The following SMURF1 variants were observed in gnomAD, a reference collection of about 807,000 sequenced individuals.
The protein encoded by SMURF1 is SMAD specific E3 ubiquitin protein ligase 1, also known as E3 ubiquitin-protein ligase SMURF1.
In SMURF1, 44 loss-of-function variants were observed where a neutral mutation model predicts 98.0. The observed-to-expected ratio is 0.45, with a 90% CI of 0.35 to 0.58. The LOEUF (loss-of-function observed/expected upper bound fraction) is 0.58, where lower values mean the gene tolerates loss of function less well. Ranked by LOEUF, SMURF1 falls within the 20% of genes least tolerant of loss-of-function variation. The pLI is 0.00. For synonymous variants in SMURF1, 396 were observed against 374.9 expected (o/e 1.06, Z -0.65); for missense variants, 687 against 938.4 (o/e 0.73, Z 3.50).
chr7:99,032,889 C>T (rs1369637614), intron 17 of SMURF1, 148 bp downstream of exon 17: 18 of 983,306 alleles, frequency 1.8e-5, no homozygotes, highest in Non-Finnish European at 1.9e-5. Flanking sequence ...CTCCTTCTGT[C>T]TCAGGTGCTG....
At chr7:99,134,685 T>A (rs1188398066) in intron 1 of SMURF1, among the ~76,000 whole-genome samples, 1 of 152,160 alleles carries the variant, frequency 6.6e-6, no homozygotes, top group Non-Finnish European at 1.5e-5. Flanking sequence ...AATACTAAAT[T>A]ATTATTACTG....
At chr7:99,127,908 G>A (rs545825222) in intron 1 of SMURF1, among the ~76,000 whole-genome samples, 1 of 152,214 alleles carries the variant, frequency 6.6e-6, no homozygotes, top group African/African-American at 2.4e-5. Context: ...CTACATAGGC[G>A]ATACGAAATG....
Position 99,086,175 on chromosome 7 carries a change from G to A in SMURF1, c.56-24338C>T, listed in dbSNP as rs112747095. Among the ~76,000 whole-genome samples the A allele has an allele frequency of 9.2e-3, 1,391 of 151,982 alleles. 16 individuals are homozygous for A. The highest frequency in any genetic ancestry group is 0.029 in the African/African-American group (1,199 of 41,434). On this transcript the variant is annotated intron_variant, in intron 1 of 17. Coordinates refer to ENST00000361368, the MANE Select transcript of SMURF1 (RefSeq NM_181349.3). ...AGCCTGGCCAACATGGTGAAACTCC[G>A]TCTCTACTAAAAATACAAAAATTAG...
At chr7:99,138,325 G>T (rs1584222122) in intron 1 of SMURF1, among the ~76,000 whole-genome samples, 1 of 152,192 alleles carries the variant, frequency 6.6e-6, no homozygotes, top group Non-Finnish European at 1.5e-5. Context: ...GTTAACCAGT[G>T]CCCACGATGT....
At chr7:99,084,242 C>G (rs1796630342) in intron 1 of SMURF1, among the ~76,000 whole-genome samples, 1 of 152,154 alleles carries the variant, frequency 6.6e-6, no homozygotes, top group African/African-American at 2.4e-5. Flanking sequence ...ATCTATATTA[C>G]CTTGAATTAT....
intron 1 of SMURF1, among the ~76,000 whole-genome samples, chr7:99,110,480 G>A (rs773351464): frequency 2.6e-5 from 4 of 152,152 alleles, no homozygotes; most frequent in Admixed American, 1.3e-4. Context: ...TAAACAGCCC[G>A]TGAATATATG....
At chr7:99,068,390 A>C (rs1796246012) in intron 1 of SMURF1, among the ~76,000 whole-genome samples, 2 of 152,190 alleles carry the variant, frequency 1.3e-5, no homozygotes, top group African/African-American at 2.4e-5. Flanking sequence ...TCTTGGGCTC[A>C]AGTGATCCTC....
intron 8 of SMURF1, chr7:99,050,871 A>T: frequency 7.8e-7 from 1 of 1,277,140 alleles, no homozygotes; most frequent in Non-Finnish European, 1.0e-6. Flanking sequence ...AAAGAAAAAA[A>T]GAAACTTAAC....
rs141063695 is a variant in SMURF1, at chr7:99,075,332, G to T, written c.56-13495C>A. ...AGCTGGAATCTCAGTCTGTTGCTCA[G>T]GCTGGGCTTGAACTCCTGGCCTCAA... On this transcript the variant is annotated intron_variant, in intron 1 of 17. Coordinates refer to ENST00000361368, the MANE Select transcript of SMURF1 (RefSeq NM_181349.3). Among the ~76,000 whole-genome samples, 381 of 152,248 alleles carry T rather than the reference G, an allele frequency of 2.5e-3. 1 individual carries two copies. Among genetic ancestry groups the T allele is most frequent in the African/African-American group, 8.8e-3 (364 of 41,544 alleles).
intron 1 of SMURF1, among the ~76,000 whole-genome samples, chr7:99,121,913 G>A (rs112523773): frequency 3.9e-5 from 6 of 152,302 alleles, no homozygotes; most frequent in East Asian, 1.9e-4. Flanking sequence ...ACCAGGGAGC[G>A]GCGAGGGGAA....
chr7:99,047,817 T>C lies in SMURF1; in HGVS notation c.1019A>G (p.Asp340Gly), dbSNP rs753205446. 14 of 1,614,204 alleles carry C rather than the reference T, an allele frequency of 8.7e-6. No individual in the cohort carries two copies. The highest frequency in any genetic ancestry group is 1.1e-5 in the Non-Finnish European group (13 of 1,180,028). ...LPLPSEGSLE[D>G]EELPAQRYER... ...GTATCTCTGGGCAGGAAGCTCCTCG[T>C]CCTCCAGAGAGCCCTCACTGGGCAG... The change falls in exon 10 of 18, where the codon GAC becomes GGC. Residue 340 changes from aspartate (D) to glycine (G), a missense_variant. Asp to Gly is a moderately conservative substitution (Grantham distance 94). Coordinates refer to ENST00000361368, the MANE Select transcript of SMURF1 (RefSeq NM_181349.3).
intron 17 of SMURF1, among the ~76,000 whole-genome samples, chr7:99,031,967 T>C (rs760150803): frequency 6.6e-5 from 10 of 152,204 alleles, no homozygotes; most frequent in Non-Finnish European, 1.3e-4. Context: ...TAATCTACTA[T>C]GGAGACTCGT....
At chr7:99,038,961 A>T (rs1430837098) in intron 13 of SMURF1, among the ~76,000 whole-genome samples, 3 of 152,012 alleles carry the variant, frequency 2.0e-5, no homozygotes, top group Middle Eastern at 3.2e-3. Flanking sequence ...TGGGATACCG[A>T]GGCGGGTGGA....
chr7:99,119,980 T>C (rs1797565420), intron 1 of SMURF1, among the ~76,000 whole-genome samples: 2 of 152,180 alleles, frequency 1.3e-5, no homozygotes, highest in Non-Finnish European at 2.9e-5. Flanking sequence ...TGACCTCCAG[T>C]GCTGGAGATG....
chr7:99,088,718 C>T (rs1228816336), intron 1 of SMURF1, among the ~76,000 whole-genome samples: 2 of 152,146 alleles, frequency 1.3e-5, no homozygotes, highest in African/African-American at 2.4e-5. Flanking sequence ...AGAGGTGAGA[C>T]AGGCTGGGTT....
intron 16 of SMURF1, among the ~76,000 whole-genome samples, chr7:99,034,726 T>G (rs149075250): frequency 7.6e-4 from 116 of 152,266 alleles, no homozygotes; most frequent in African/African-American, 2.6e-3. Context: ...TCAAACCCCT[T>G]TTTATCCATG....
At chr7:99,035,334 C>T in intron 16 of SMURF1, 181 bp downstream of exon 16, 1 of 781,902 alleles carries the variant, frequency 1.3e-6, no homozygotes, top group Non-Finnish European at 2.0e-6. Flanking sequence ...CCCACACCTG[C>T]TCACACACGG....
At chr7:99,037,243 C>A (rs1335602221) in intron 14 of SMURF1, 56 bp from the exon 15 acceptor site, 3 of 1,610,048 alleles carry the variant, frequency 1.9e-6, no homozygotes, top group African/African-American at 2.7e-5. Context: ...CCGCCATGGG[C>A]AGGTTTTTTT....
chr7:99,041,609 G>T (rs2240375), intron 12 of SMURF1, among the ~76,000 whole-genome samples: 14,261 of 152,282 alleles, frequency 0.094, 720 homozygotes, highest in East Asian at 0.21. Context: ...GGACGCTGGT[G>T]AAGGCCGTGG....
Sources: gnomAD v4.1 joint callset for allele counts (sites outside exome capture counted in the v4.1 genomes callset) on GRCh38, gnomAD v4.1.1 for gene constraint, MANE v1.5 for transcripts, NCBI Gene and HGNC (gene_info 2026-07-23, HGNC 2026-07-21) for gene names.